Variants in THADA observed in about 807,000 individuals in gnomAD.
THADA encodes the protein tRNA (32-2'-O)-methyltransferase regulator THADA.
THADA carries 213 observed loss-of-function variants against 219.8 expected under a neutral mutation model. The ratio of observed to expected loss-of-function variants is 0.97; its 90% CI spans 0.87 to 1.09. THADA has a LOEUF of 1.09. THADA is among the 50% of genes least tolerant of loss of function. The pLI, the probability that THADA is intolerant of heterozygous loss-of-function variation, is 0.00. For synonymous variants in THADA, 1,018 were observed against 828.9 expected, an observed-to-expected ratio of 1.23 and a Z score of -3.92; for missense variants, 2,956 against 2,311.3, an observed-to-expected ratio of 1.28 and a Z score of -5.72.
intron 8 of THADA, among the ~76,000 whole-genome samples, chr2:43,580,153 T>C (rs141667046): frequency 9.9e-5 from 15 of 151,614 alleles, no homozygotes; most frequent in African/African-American, 3.4e-4. Flanking sequence ...GCCTCCCGAG[T>C]AGCTGGAACT....
intron 22 of THADA, among the ~76,000 whole-genome samples, chr2:43,510,942 G>C (rs989963626): frequency 6.6e-6 from 1 of 151,182 alleles, no homozygotes; most frequent in Non-Finnish European, 1.5e-5. Context: ...CTGCACTCTA[G>C]CCTGGGTGAC....
intron 30 of THADA, among the ~76,000 whole-genome samples, chr2:43,334,627 T>C (rs1218884355): frequency 6.6e-6 from 1 of 152,034 alleles, no homozygotes; most frequent in Non-Finnish European, 1.5e-5. Flanking sequence ...CCCAAAAAAT[T>C]AGCCAGGCGT....
intron 29 of THADA, among the ~76,000 whole-genome samples, chr2:43,386,394 CT>C (rs1274289563): frequency 1.3e-5 from 2 of 151,518 alleles, no homozygotes; most frequent in African/African-American, 2.4e-5. Context: ...TGTAGTTTTC[CT>C]TTTTTTCCCC....
intron 25 of THADA, among the ~76,000 whole-genome samples, chr2:43,492,697 T>C (rs561107523): frequency 6.6e-5 from 10 of 152,310 alleles, no homozygotes; most frequent in South Asian, 2.1e-4. Flanking sequence ...CATGTGACCA[T>C]GAAAAGACAG....
chr2:43,570,169 C>T (rs1279205468), intron 14 of THADA, among the ~76,000 whole-genome samples: 3 of 152,136 alleles, frequency 2.0e-5, no homozygotes, highest in East Asian at 1.9e-4. Context: ...AGCCCACTAA[C>T]GTCATTCTGT....
chr2:43,291,943 T>C, intron 33 of THADA, 161 bp downstream of exon 33: 1 of 756,912 alleles, frequency 1.3e-6, no homozygotes, highest in Non-Finnish European at 2.1e-6. Flanking sequence ...TGCAAATCAC[T>C]GACATCATTC....
At chr2:43,307,217 C>T (rs755595472) in intron 31 of THADA, among the ~76,000 whole-genome samples, 1 of 152,218 alleles carries the variant, frequency 6.6e-6, no homozygotes, top group Non-Finnish European at 1.5e-5. Flanking sequence ...GAGGCAACTT[C>T]TAAGCCCCAG....
At chr2:43,297,708 C>T (rs1185166085) in intron 31 of THADA, among the ~76,000 whole-genome samples, 1 of 120,030 alleles carries the variant, frequency 8.3e-6, no homozygotes, top group Non-Finnish European at 1.7e-5. Context: ...CCAGCCACCC[C>T]GTCCGGGAGG....
At chr2:43,300,609 A>T (rs1192135308) in intron 31 of THADA, among the ~76,000 whole-genome samples, 1 of 152,176 alleles carries the variant, frequency 6.6e-6, no homozygotes, top group African/African-American at 2.4e-5. Flanking sequence ...CCTTGCTGGG[A>T]GAGGAGAGGA....
intron 29 of THADA, among the ~76,000 whole-genome samples, chr2:43,362,071 G>A (rs541252525): frequency 2.6e-5 from 4 of 152,270 alleles, no homozygotes; most frequent in East Asian, 3.9e-4. Flanking sequence ...ATTTTCTTTA[G>A]TATTTCCCAA....
chr2:43,564,205 T>C (rs372593652), intron 15 of THADA: 1 of 152,248 alleles, frequency 6.6e-6, no homozygotes, highest in African/African-American at 2.4e-5. Context: ...TGAAATTCTA[T>C]GAACTGATGG....
chr2:43,416,827 T>C lies in THADA; in HGVS notation c.4058+11273A>G, dbSNP rs529271285. Among the ~76,000 whole-genome samples the C allele has an allele frequency of 4.7e-4, 71 of 152,332 alleles. No homozygotes were observed. The South Asian group carries it at 0.013, about 28-fold the overall frequency. Reference sequence around the variant, plus strand: ...TACAGATGATCAACTAACAACCAGATGCTATTGTTACTTATCCATTAAAGC... The same window carrying C: ...TACAGATGATCAACTAACAACCAGACGCTATTGTTACTTATCCATTAAAGC... On this transcript the variant is annotated intron_variant, in intron 28 of 37. Transcript: ENST00000405975.
chr2:43,391,539 C>T (rs1289457892), intron 29 of THADA, among the ~76,000 whole-genome samples: 1 of 151,934 alleles, frequency 6.6e-6, no homozygotes, highest in Admixed American at 6.5e-5. Flanking sequence ...CTTTTTTGGG[C>T]TTATATCCAG....
At chr2:43,348,146 T>C (rs1323211631) in intron 29 of THADA, among the ~76,000 whole-genome samples, 2 of 152,172 alleles carry the variant, frequency 1.3e-5, no homozygotes, top group African/African-American at 2.4e-5. Context: ...CCTTTATGAA[T>C]TGGGATATTT....
In THADA at chr2:43,514,767, T is replaced by C. The variant is rs1425976846; in HGVS notation, c.3375-5987A>G. 3.0e-3 allele frequency among the ~76,000 whole-genome samples: 273 copies of C among 90,494 alleles called. 4 individuals are homozygous for C. Among genetic ancestry groups the C allele is most frequent in the South Asian group, 3.8e-3 (11 of 2,932 alleles). 59.4% of individuals were successfully genotyped at this position (90,494 alleles called of 152,430 possible). A position where few individuals can be genotyped will look rare whatever the true frequency, so the allele number is the denominator to read the frequency against. ...TATAATATTTTATATATAATATGTA[T>C]AATATATATTTTATATATAATAATA... is the stretch of plus-strand genomic sequence containing the variant. On this transcript the variant is annotated intron_variant, in intron 22 of 37. Transcript: ENST00000405975.
At chr2:43,436,169 G>C (rs767814926) in intron 26 of THADA, among the ~76,000 whole-genome samples, 1 of 152,082 alleles carries the variant, frequency 6.6e-6, no homozygotes, top group African/African-American at 2.4e-5. Flanking sequence ...GACTATTCTA[G>C]ACAAAACGTC....
rs1011485980 is a variant in THADA, at chr2:43,291,693, T to A, written c.5010+3A>T. On this transcript the variant is annotated splice_donor_region_variant and intron_variant, in intron 34 of 37. Coordinates refer to ENST00000405975, the MANE Select transcript of THADA (RefSeq NM_022065.5). ...CCCGGAACAAGATCAGAACCAGCCT[T>A]ACCTCCACACATGTCTGCATGTGGT... 1.3e-6 allele frequency: 2 copies of A among 1,547,048 alleles called. No homozygotes were observed. The highest frequency in any genetic ancestry group is 1.7e-6 in the Non-Finnish European group (2 of 1,143,378).
In THADA at chr2:43,428,972, T is replaced by A. The variant is rs184928877; in HGVS notation, c.3927-741A>T. The stretch of plus-strand genomic sequence containing the variant: ...AATGCATCATAACCAGAAGTAAAAT[T>A]CATTACTTTTATTTTCTAATTATAA... On this transcript the variant is annotated intron_variant, in intron 27 of 37. Coordinates refer to ENST00000405975, the MANE Select transcript of THADA (RefSeq NM_022065.5). 5.3e-5 allele frequency among the ~76,000 whole-genome samples: 8 copies of A among 152,276 alleles called. No individual in the cohort carries two copies. The East Asian group carries it at 1.5e-3, about 29-fold the overall frequency.
intron 29 of THADA, among the ~76,000 whole-genome samples, chr2:43,390,287 A>G (rs113430720): frequency 0.011 from 1,740 of 152,294 alleles, 12 homozygotes; most frequent in Middle Eastern, 0.027. Flanking sequence ...TTAAGTTTCT[A>G]AAGTAATGGC....
Sources: allele counts gnomAD v4.1 joint callset (sites outside exome capture counted in the v4.1 genomes callset), GRCh38; gene constraint gnomAD v4.1.1; transcripts MANE v1.5; gene names NCBI Gene and HGNC (gene_info 2026-07-23, HGNC 2026-07-21).